Variants in SH3GL3 observed in about 807,000 individuals in gnomAD.
SH3GL3 encodes the protein SH3 domain containing GRB2 like 3, endophilin A3.
Under a neutral mutation model 47.7 loss-of-function variants are expected in SH3GL3, and 33 were observed. The ratio of observed to expected loss-of-function variants is 0.69; its 90% CI spans 0.52 to 0.92. SH3GL3 has a LOEUF of 0.92. Ranked by LOEUF, SH3GL3 falls within the 40% of genes least tolerant of loss-of-function variation. The probability of loss-of-function intolerance (pLI) is 0.00; values close to 1 mark genes in which losing one functional copy is unlikely to be tolerated. For synonymous variants in SH3GL3, 155 were observed against 148.8 expected, an observed-to-expected ratio of 1.04 and a Z score of -0.30; for missense variants, 363 against 417.8, an observed-to-expected ratio of 0.87 and a Z score of 1.14.
At chr15:83,510,351 T>C (rs962020371) in intron 1 of SH3GL3, among the ~76,000 whole-genome samples, 12 of 152,186 alleles carry the variant, frequency 7.9e-5, no homozygotes, top group Non-Finnish European at 1.6e-4. Context: ...GAATTTTAAA[T>C]TAAGCTGATG....
intron 1 of SH3GL3, chr15:83,488,354 A>G (rs1393333212): frequency 6.6e-6 from 1 of 152,248 alleles, no homozygotes; most frequent in African/African-American, 2.4e-5. Flanking sequence ...CACCAGGCTG[A>G]GTTCTTGCCT....
At chr15:83,544,877 A>T (rs914681941) in intron 1 of SH3GL3, among the ~76,000 whole-genome samples, 14 of 152,280 alleles carry the variant, frequency 9.2e-5, no homozygotes, top group Non-Finnish European at 1.2e-4. Context: ...TTTACTGAGA[A>T]ATCTGCTGCC....
chr15:83,617,354 T>A (rs1387062419), intron 8 of SH3GL3, among the ~76,000 whole-genome samples: 3 of 152,200 alleles, frequency 2.0e-5, no homozygotes, highest in African/African-American at 7.2e-5. Flanking sequence ...TCCTGAACCA[T>A]GAGTGATACA....
chr15:83,489,110 T>A (rs531549658), intron 1 of SH3GL3: 1 of 152,370 alleles, frequency 6.6e-6, no homozygotes, highest in East Asian at 1.9e-4. Flanking sequence ...GATAGCCATC[T>A]GCTTTTCAGT....
intron 1 of SH3GL3, among the ~76,000 whole-genome samples, chr15:83,495,374 C>A (rs747372608): frequency 6.6e-6 from 1 of 152,102 alleles, no homozygotes; most frequent in Non-Finnish European, 1.5e-5. Context: ...TGGAGTCCCT[C>A]GGAACTGGCT....
intron 1 of SH3GL3, among the ~76,000 whole-genome samples, chr15:83,456,686 A>G (rs954571510): frequency 7.0e-6 from 1 of 143,612 alleles, no homozygotes; most frequent in Admixed American, 7.0e-5. Flanking sequence ...GTGCGCACAC[A>G]CACTGGCCTG....
intron 8 of SH3GL3, among the ~76,000 whole-genome samples, chr15:83,602,271 A>C (rs1194901801): frequency 6.6e-6 from 1 of 152,152 alleles, no homozygotes; most frequent in Non-Finnish European, 1.5e-5. Context: ...GGGAAGTACA[A>C]CCTCTAGCTA....
intron 4 of SH3GL3, among the ~76,000 whole-genome samples, chr15:83,572,092 C>T (rs1224203183): frequency 1.3e-5 from 2 of 152,114 alleles, no homozygotes; most frequent in Non-Finnish European, 2.9e-5. Context: ...TAGAAGGATA[C>T]GGGGAGTAGC....
chr15:83,478,807 A>G (rs1221836160), intron 1 of SH3GL3, among the ~76,000 whole-genome samples: 1 of 152,248 alleles, frequency 6.6e-6, no homozygotes, highest in African/African-American at 2.4e-5. Context: ...TAAATGAGCT[A>G]ATGCACATGA....
downstream of SH3GL3, among the ~76,000 whole-genome samples, chr15:83,622,902 G>A (rs535552478): frequency 6.6e-4 from 100 of 152,322 alleles, no homozygotes; most frequent in African/African-American, 2.4e-3. Context: ...CAGACTGATG[G>A]TGCCCACAGG....
chr15:83,501,451 G>A lies in SH3GL3; in HGVS notation c.45+53873G>A, dbSNP rs1008795604. On this transcript the variant is annotated intron_variant, in intron 1 of 8. Coordinates refer to ENST00000427482, the MANE Select transcript of SH3GL3 (RefSeq NM_003027.5). ...ATCATGATCCTGTTTAATATTCTTG[G>A]GAAGGTTAGAGGTGGAATTCAGAGT... is the stretch of plus-strand genomic sequence containing the variant. Among the ~76,000 whole-genome samples, 9 of 152,242 alleles carry A rather than the reference G, an allele frequency of 5.9e-5. No homozygotes were observed. In the South Asian group the frequency reaches 1.9e-3, roughly 32 times the overall value.
chr15:83,584,404 T>C (rs961753120), intron 6 of SH3GL3, among the ~76,000 whole-genome samples: 1 of 152,220 alleles, frequency 6.6e-6, no homozygotes, highest in Admixed American at 6.5e-5. Flanking sequence ...CTATGTAAAG[T>C]AACATATTTG....
intron 1 of SH3GL3, among the ~76,000 whole-genome samples, chr15:83,461,631 A>C (rs1237263783): frequency 2.0e-5 from 3 of 152,144 alleles, no homozygotes; most frequent in Non-Finnish European, 2.9e-5. Flanking sequence ...ATGTATTTAC[A>C]TAATTTTGAT....
downstream of SH3GL3, among the ~76,000 whole-genome samples, chr15:83,618,937 T>C (rs1177304852): frequency 6.6e-6 from 1 of 152,220 alleles, no homozygotes; most frequent in Admixed American, 6.5e-5. Flanking sequence ...AAAGCCCTTC[T>C]ACTTACCTTC....
At chr15:83,580,361 C>T (rs1469578099) in intron 6 of SH3GL3, among the ~76,000 whole-genome samples, 1 of 152,214 alleles carries the variant, frequency 6.6e-6, no homozygotes, top group African/African-American at 2.4e-5. Context: ...GACGGTGTTT[C>T]TACCTGATCT....
At chr15:83,593,077 C>T (rs1003660332) in intron 8 of SH3GL3, among the ~76,000 whole-genome samples, 7 of 152,180 alleles carry the variant, frequency 4.6e-5, no homozygotes, top group Admixed American at 3.9e-4. Flanking sequence ...TATTCTTGTA[C>T]AATTGTTGTC....
At chr15:83,590,342 CCT>C (rs748390221) in intron 8 of SH3GL3, among the ~76,000 whole-genome samples, 1 of 151,982 alleles carries the variant, frequency 6.6e-6, no homozygotes, top group African/African-American at 2.4e-5. Flanking sequence ...CATTTTGTGC[CCT>C]GTCATGATTA....
intron 1 of SH3GL3, among the ~76,000 whole-genome samples, chr15:83,477,113 G>C (rs1219568061): frequency 6.6e-6 from 1 of 152,122 alleles, no homozygotes; most frequent in Non-Finnish European, 1.5e-5. Flanking sequence ...TTATAGTACT[G>C]GGGAAGAATG....
chr15:83,573,122 T>C (rs2059583344), intron 5 of SH3GL3, among the ~76,000 whole-genome samples: 1 of 152,212 alleles, frequency 6.6e-6, no homozygotes, highest in Admixed American at 6.5e-5. Context: ...AATTTTTCAT[T>C]TGGAAAACTG....
Sources: gnomAD v4.1 joint callset for allele counts (sites outside exome capture counted in the v4.1 genomes callset) on GRCh38, gnomAD v4.1.1 for gene constraint, MANE v1.5 for transcripts, NCBI Gene and HGNC (gene_info 2026-07-23, HGNC 2026-07-21) for gene names.